Variants in WDR6 observed in about 807,000 individuals in gnomAD.
WDR6 encodes the protein WD repeat domain 6, also known as tRNA (34-2'-O)-methyltransferase regulator WDR6.
In WDR6, 58 loss-of-function variants were observed where a neutral mutation model predicts 85.6. The ratio of observed to expected loss-of-function variants is 0.68; its 90% CI spans 0.55 to 0.84. The LOEUF is 0.84. WDR6 is among the 40% of genes least tolerant of loss of function. The pLI, the probability that WDR6 is intolerant of heterozygous loss-of-function variation, is 0.00. For synonymous variants in WDR6, 569 were observed against 582.2 expected (o/e 0.98, Z 0.33); for missense variants, 1,310 against 1,476.4 (o/e 0.89, Z 1.85).
Position 49,013,046 on chromosome 3 carries a change from C to A in WDR6, c.1512C>A (p.Asp504Glu). The change falls in exon 2 of 6, where the codon GAC becomes GAA. Residue 504 changes from aspartate to glutamate, a missense_variant. Asp to Glu is a conservative substitution (Grantham distance 45, BLOSUM62 2). Transcript: ENST00000608424. This position sits in a 1 kb window ranked among gnomAD's most constrained non-coding sequence, Gnocchi z 4.6. The part of the protein sequence containing the change: ...HTCSAFLPPG[D>E]FLVCGDRRGS... ...GCAGTGCCTTCCTACCCCCAGGTGA[C>A]TTCCTGGTGTGTGGTGACCGCCGGG... 1 of 1,612,258 alleles carries A rather than the reference C, an allele frequency of 6.2e-7. No homozygotes were observed. The highest frequency in any genetic ancestry group is 8.5e-7 in the Non-Finnish European group (1 of 1,178,776).
chr3:49,013,821 T>C lies in WDR6; in HGVS notation c.2287T>C (p.Ser763Pro). ...CCTAGCACTCCCTACAACCACAGGC[T>C]CAGCCCACGCACTCACAGCTGTTTG... The part of the protein sequence containing the change: ...CVLALPTTTG[S>P]AHALTAVCNH... The change falls in exon 2 of 6, where the codon TCA becomes CCA. Residue 763 changes from serine to proline, a missense_variant. By Grantham distance (74) the Ser-to-Pro change is moderately conservative (BLOSUM62 -1). Coordinates refer to ENST00000608424, the MANE Select transcript of WDR6 (RefSeq NM_018031.6). The surrounding 1 kb of genome is among the most constrained non-coding windows in gnomAD (Gnocchi z 4.6). 1 of 1,614,092 alleles carries C rather than the reference T, an allele frequency of 6.2e-7. No homozygotes were observed.
chr3:49,015,014 A>T lies in WDR6; in HGVS notation c.3092A>T (p.Gln1031Leu), dbSNP rs761820556. 1 of 1,614,166 alleles carries T rather than the reference A, an allele frequency of 6.2e-7. No individual in the cohort carries two copies. Among genetic ancestry groups the T allele is most frequent in the Non-Finnish European group, 8.5e-7 (1 of 1,180,020 alleles). The change falls in exon 6 of 6, where the codon CAG (glutamine) becomes CTG (leucine). Residue 1031 changes from glutamine to leucine, a missense_variant. By Grantham distance (113) the Gln-to-Leu change is moderately radical (BLOSUM62 -2). Coordinates refer to ENST00000608424, the MANE Select transcript of WDR6 (RefSeq NM_018031.6). ...EAVGEAGLVP[Q>L]LRVLEEYSVP... Reference sequence around the variant, plus strand: ...GTGGGAGAGGCTGGGCTGGTACCCCAGCTGCGTGTGCTAGAGGAATACTCT... The same window carrying T: ...GTGGGAGAGGCTGGGCTGGTACCCCTGCTGCGTGTGCTAGAGGAATACTCT...
At chr3:49,008,311 C>T (rs1314951619) in intron 1 of WDR6, 1 of 152,218 alleles carries the variant, frequency 6.6e-6, no homozygotes, top group Non-Finnish European at 1.5e-5. Context: ...CACTAATGAC[C>T]CATGTTGGTG....
Position 49,015,617 on chromosome 3 carries a change from G to A in WDR6, c.*329G>A, listed in dbSNP as rs371125542. ...ATGTGGCTCAGTGGAGGGAGACCCA[G>A]CATAGCCAGGCCAGTATGGAGCACC... On this transcript the variant is annotated 3_prime_UTR_variant, in exon 6 of 6. Transcript: ENST00000608424. The A allele has an allele frequency of 1.9e-5, 31 of 1,614,164 alleles. No individual in the cohort carries two copies. The African/African-American group carries it at 2.9e-4, about 15-fold the overall frequency.
chr3:49,013,353 C>T lies in WDR6; in HGVS notation c.1819C>T (p.Gln607Ter), dbSNP rs1438553377. ...CGGCCAGCTCCAGCCAGTCCTAAGGCAGAAGTCCTGTCGAGGCATGAACTG... is the reference window on the plus strand; with the variant it reads ...CGGCCAGCTCCAGCCAGTCCTAAGGTAGAAGTCCTGTCGAGGCATGAACTG... ...RDGQLQPVLRQKSCRGMNWLA... is the reference protein window; with the variant it reads ...RDGQLQPVLR The change falls in exon 2 of 6, where the codon CAG (glutamine) becomes TAG (stop). Residue 607 changes from glutamine (Q) to a stop codon, truncating the protein, a stop_gained. Coordinates refer to ENST00000608424, the MANE Select transcript of WDR6 (RefSeq NM_018031.6). LOFTEE classifies it high-confidence loss of function. The surrounding 1 kb of genome is among the most constrained non-coding windows in gnomAD (Gnocchi z 4.6). 1 of 1,614,072 alleles carries T rather than the reference C, an allele frequency of 6.2e-7. No individual in the cohort carries two copies. Among genetic ancestry groups the T allele is most frequent in the African/African-American group, 1.3e-5 (1 of 74,932 alleles).
chr3:49,009,225 C>T (rs1350346532), intron 1 of WDR6, among the ~76,000 whole-genome samples: 1 of 151,892 alleles, frequency 6.6e-6, no homozygotes, highest in Non-Finnish European at 1.5e-5. Flanking sequence ...TTCCATCCAC[C>T]ATACTCAATG....
Position 49,012,591 on chromosome 3 carries a change from G to T in WDR6, c.1057G>T (p.Ala353Ser), listed in dbSNP as rs1275773651. Reference protein sequence around the residue: ...KSRSRPGTLKAVTLAGSWRLL... With the variant: ...KSRSRPGTLKSVTLAGSWRLL... ...CCGTAGTAGGCCAGGTACACTCAAG[G>T]CTGTGACTCTGGCTGGCTCTTGGCG... is the stretch of plus-strand genomic sequence containing the variant. The change falls in exon 2 of 6, where the codon GCT becomes TCT. Residue 353 changes from alanine to serine, a missense_variant. By Grantham distance (99) the Ala-to-Ser change is moderately conservative. Transcript: ENST00000608424. The surrounding 1 kb of genome is among the most constrained non-coding windows in gnomAD (Gnocchi z 4.4). 6.2e-7 allele frequency: 1 copy of T among 1,613,980 alleles called. No individual in the cohort carries two copies. The highest frequency in any genetic ancestry group is 1.3e-5 in the African/African-American group (1 of 74,910).
chr3:49,012,934 T>G lies in WDR6; in HGVS notation c.1400T>G (p.Ile467Ser). 2 of 1,613,898 alleles carry G rather than the reference T, an allele frequency of 1.2e-6. 1 individual carries two copies. The highest frequency in any genetic ancestry group is 3.3e-5 in the Admixed American group (2 of 59,982). ...GPGGVVACLEISAAPSGKAIF... is the reference protein window; with the variant it reads ...GPGGVVACLESSAAPSGKAIF... ...GGCGGGGTAGTAGCTTGCCTAGAGA[T>G]CTCAGCCGCACCCTCTGGCAAGGCC... is the stretch of plus-strand genomic sequence containing the variant. The change falls in exon 2 of 6, where the codon ATC becomes AGC. Residue 467 changes from isoleucine to serine, a missense_variant. By Grantham distance (142) the Ile-to-Ser change is moderately radical. Coordinates refer to ENST00000608424, the MANE Select transcript of WDR6 (RefSeq NM_018031.6). This position sits in a 1 kb window ranked among gnomAD's most constrained non-coding sequence, Gnocchi z 4.4.
chr3:49,011,325 C>G (rs1408586386), intron 1 of WDR6: 3 of 701,682 alleles, frequency 4.3e-6, no homozygotes, highest in African/African-American at 3.7e-5. Flanking sequence ...GTGATTCATC[C>G]GCCTGGGCTT....
rs1233368621 is a variant in WDR6 at position 49,012,830 on chromosome 3, C to G, written c.1296C>G (p.Thr432=). ...INTPTAAVDQ[T]LFPGKVHSLS... ...CTCCAACTGCTGCTGTGGACCAGAC[C>G]CTGTTTCCTGGGAAGGTGCACAGCT... Residue 432 remains threonine, a synonymous_variant, in exon 2 of 6, where the codon ACC becomes ACG. Transcript: ENST00000608424. This position sits in a 1 kb window ranked among gnomAD's most constrained non-coding sequence, Gnocchi z 4.4. 1 of 1,613,642 alleles carries G rather than the reference C, an allele frequency of 6.2e-7. No individual in the cohort carries two copies. The highest frequency in any genetic ancestry group is 1.3e-5 in the African/African-American group (1 of 74,822).
Position 49,014,713 on chromosome 3 carries a change from C to T in WDR6, c.2897C>T (p.Pro966Leu), listed in dbSNP as rs755609885. The T allele has an allele frequency of 4.1e-5, 66 of 1,612,988 alleles. No individual in the cohort carries two copies. The highest frequency in any genetic ancestry group is 5.4e-5 in the Non-Finnish European group (64 of 1,179,846). The change falls in exon 5 of 6, where the codon CCC becomes CTC. Residue 966 changes from proline to leucine, a missense_variant. Transcript: ENST00000608424. The surrounding 1 kb of genome is among the most constrained non-coding windows in gnomAD (Gnocchi z 4.9). ...VLEPPVDPGL[P>L]YRLGTPSLTL... ...GAGCCTCCAGTGGATCCTGGGCTTC[C>T]CTACCGTGAGTAGCTAATGTGCAAC...
Position 49,013,348 on chromosome 3 carries a change from T to G in WDR6, c.1814T>G (p.Leu605Arg). ...FVRDGQLQPV[L>R]RQKSCRGMNW... ...CGAGACGGCCAGCTCCAGCCAGTCC[T>G]AAGGCAGAAGTCCTGTCGAGGCATG... The change falls in exon 2 of 6, where the codon CTA (leucine) becomes CGA (arginine). Residue 605 changes from leucine (L) to arginine (R), a missense_variant. Transcript: ENST00000608424. The surrounding 1 kb of genome is among the most constrained non-coding windows in gnomAD (Gnocchi z 4.6). 6.2e-7 allele frequency: 1 copy of G among 1,614,178 alleles called. No homozygotes were observed.
At chr3:49,010,448 G>A (rs1559894999) in intron 1 of WDR6, among the ~76,000 whole-genome samples, 1 of 151,940 alleles carries the variant, frequency 6.6e-6, no homozygotes, top group Admixed American at 6.6e-5. Flanking sequence ...GGGCACAATG[G>A]CTCACGCCTG....
At position 49,015,766 on chromosome 3, in the gene WDR6, C is replaced by T. The variant is rs752817985; in HGVS notation, c.*478C>T. 1.3e-5 allele frequency: 21 copies of T among 1,614,122 alleles called. No individual in the cohort carries two copies. The highest frequency in any genetic ancestry group is 3.3e-4 in the Middle Eastern group (2 of 6,062). ...TGCTTCCTTTGCCTTTACCCTATAC[C>T]TCTCTGCACGTCCCACCCCATTTTG... On this transcript the variant is annotated 3_prime_UTR_variant, in exon 6 of 6. Coordinates refer to ENST00000608424, the MANE Select transcript of WDR6 (RefSeq NM_018031.6).
In WDR6 at chr3:49,013,539, A is replaced by G. The variant is rs771727667; in HGVS notation, c.2005A>G (p.Met669Val). The G allele has an allele frequency of 1.2e-6, 2 of 1,614,020 alleles. No individual in the cohort carries two copies. The highest frequency in any genetic ancestry group is 1.1e-5 in the South Asian group (1 of 91,086). ...SWAFSDTEAA[M>V]AFAYLKDGDV... is the part of the protein sequence containing the mutation. ...GGCATTCTCTGATACTGAGGCGGCC[A>G]TGGCCTTTGCTTACCTCAAGGATGG... Residue 669 changes from methionine (M) to valine (V), a missense_variant, in exon 2 of 6, where the codon ATG (methionine) becomes GTG (valine). Met to Val is a conservative substitution (Grantham distance 21). Transcript: ENST00000608424. The surrounding 1 kb of genome is among the most constrained non-coding windows in gnomAD (Gnocchi z 4.6).
Position 49,015,816 on chromosome 3 carries a change from T to C in WDR6, c.*528T>C. The C allele has an allele frequency of 5.6e-6, 9 of 1,614,140 alleles. No individual in the cohort carries two copies. The highest frequency in any genetic ancestry group is 1.1e-5 in the South Asian group (1 of 91,076). ...GCTGTGTGCTCACCCCCAGGATGTG[T>C]ACCCGGTTGTAGTAGGAGCTGAAAT... On this transcript the variant is annotated 3_prime_UTR_variant, in exon 6 of 6. Coordinates refer to ENST00000608424, the MANE Select transcript of WDR6 (RefSeq NM_018031.6).
Position 49,007,685 on chromosome 3 carries a change from G to A in WDR6, c.100+154G>A. 2.2e-6 allele frequency: 3 copies of A among 1,337,316 alleles called. No homozygotes were observed. The highest frequency in any genetic ancestry group is 2.9e-6 in the Non-Finnish European group (3 of 1,040,164). The allele number at this position is 1,337,316 out of a possible 1,614,324, so 82.8% of individuals were successfully genotyped here. A position where few individuals can be genotyped will look rare whatever the true frequency, so the allele number is the denominator to read the frequency against. On this transcript the variant is annotated intron_variant, in intron 1 of 5. Transcript: ENST00000608424. This position sits in a 1 kb window ranked among gnomAD's most constrained non-coding sequence, Gnocchi z 5.1. ...GTGGGAAGGGAGCCCCGGAGATGGC[G>A]GGGACGAGGGCCAACCTGAAGAGGG...
Position 49,012,865 on chromosome 3 carries a change from C to T in WDR6, c.1331C>T (p.Ala444Val). 1 of 1,613,696 alleles carries T rather than the reference C, an allele frequency of 6.2e-7. No homozygotes were observed. The highest frequency in any genetic ancestry group is 8.5e-7 in the Non-Finnish European group (1 of 1,179,904). Residue 444 changes from alanine (A) to valine (V), a missense_variant, in exon 2 of 6, where the codon GCC (alanine) becomes GTC (valine). By Grantham distance (64) the Ala-to-Val change is moderately conservative. Transcript: ENST00000608424. This position sits in a 1 kb window ranked among gnomAD's most constrained non-coding sequence, Gnocchi z 4.4. ...GGGAAGGTGCACAGCTTGAGCTGGG[C>T]CCTGCGTGGTTATGAGGAGCTCCTG... ...FPGKVHSLSW[A>V]LRGYEELLLL... is the part of the protein sequence containing the mutation.
chr3:49,015,232 G>A lies in WDR6; in HGVS notation c.3310G>A (p.Gly1104Ser), dbSNP rs1286563282. The A allele has an allele frequency of 1.2e-6, 2 of 1,613,332 alleles. No homozygotes were observed. The highest frequency in any genetic ancestry group is 2.7e-5 in the African/African-American group (2 of 74,928). Residue 1104 changes from glycine to serine, a missense_variant, in exon 6 of 6, where the codon GGC becomes AGC. Transcript: ENST00000608424. ...MDCWPVSPEF[G>S]HRCALGGQGL... is the part of the protein sequence containing the mutation. The stretch of plus-strand genomic sequence containing the variant: ...CTGCTGGCCTGTGAGCCCTGAGTTT[G>A]GCCACCGTTGTGCCCTTGGGGGTCA...
Sources: gnomAD v4.1 joint callset for allele counts (sites outside exome capture counted in the v4.1 genomes callset) on GRCh38, gnomAD v4.1.1 for gene constraint, Gnocchi (gnomAD v3.1) non-coding constraint, MANE v1.5 for transcripts, NCBI Gene and HGNC (gene_info 2026-07-23, HGNC 2026-07-21) for gene names.